The following SLC38A9 variants were observed in gnomAD, a reference collection of about 807,000 sequenced individuals.
SLC38A9 encodes neutral amino acid transporter 9.
SLC38A9 carries 48 observed loss-of-function variants against 62.3 expected under a neutral mutation model. The ratio of observed to expected loss-of-function variants is 0.77; its 90% confidence interval spans 0.61 to 0.98. SLC38A9 has a LOEUF of 0.98. SLC38A9 is among the 50% of genes least tolerant of loss of function. The pLI, the probability that SLC38A9 is intolerant of heterozygous loss-of-function variation, is 0.00. For missense variants in SLC38A9, 541 were observed against 679.8 expected (o/e 0.80, Z 2.27); for synonymous variants, 204 against 227.7 (o/e 0.90, Z 0.94).
chr5:55,708,539 C>T (rs914986635), intron 2 of SLC38A9, among the ~76,000 whole-genome samples: 1 of 152,168 alleles, frequency 6.6e-6, no homozygotes, highest in Admixed American at 6.5e-5. Context: ...AGAATCTATG[C>T]CAAGATGCTA....
chr5:55,627,612 G>C (rs1742673589), intron 15 of SLC38A9, among the ~76,000 whole-genome samples: 1 of 151,996 alleles, frequency 6.6e-6, no homozygotes, highest in Non-Finnish European at 1.5e-5. Flanking sequence ...TTTGGATATA[G>C]AGAGGAAATA....
intron 9 of SLC38A9, among the ~76,000 whole-genome samples, chr5:55,653,335 T>C (rs1747867075): frequency 6.6e-6 from 1 of 152,176 alleles, no homozygotes; most frequent in South Asian, 2.1e-4. Context: ...TTGGTTCCAT[T>C]GCCAGAGAGA....
In SLC38A9 at chr5:55,657,638, C is replaced by T. The variant is rs868121369; in HGVS notation, c.698-864G>A. 3.9e-5 allele frequency among the ~76,000 whole-genome samples: 6 copies of T among 152,076 alleles called. No individual in the cohort carries two copies. The South Asian group carries it at 1.0e-3, about 26-fold the overall frequency. On this transcript the variant is annotated intron_variant, in intron 8 of 15. Coordinates refer to ENST00000396865, the MANE Select transcript of SLC38A9 (RefSeq NM_173514.4). ...AGATGGCTGAGCATTCATCATTCTA[C>T]AGTGAAAGAGAGAACAGGCAGAGAA...
chr5:55,633,900 AT>A lies in SLC38A9; in HGVS notation c.1283del (p.Asn428IlefsTer3). On this transcript the variant is annotated frameshift_variant and splice_region_variant, in exon 14 of 16. Transcript: ENST00000396865. LOFTEE classifies it high-confidence loss of function. ...CACTGCTAGGGAAGTTGTCTAAAAA[AT>A]TCTAATCCAAGAAAGATAATGAGGT... ...PPLSKDCIEQ[N>X]FLDNFPSSDT... 6.3e-7 allele frequency: 1 copy of A among 1,599,568 alleles called. No individual in the cohort carries two copies.
intron 3 of SLC38A9, among the ~76,000 whole-genome samples, chr5:55,689,201 T>C (rs140365109): frequency 6.6e-6 from 1 of 152,318 alleles, no homozygotes; most frequent in African/African-American, 2.4e-5. Flanking sequence ...TTTTTATAAG[T>C]ATAGCACCAA....
chr5:55,669,437 A>T (rs1750940168), intron 6 of SLC38A9, 116 bp from the exon 7 acceptor site: 11 of 1,293,586 alleles, frequency 8.5e-6, no homozygotes, highest in Non-Finnish European at 1.2e-5. Flanking sequence ...GAAAAACTAA[A>T]TATAACCATC....
At chr5:55,662,506 C>T (rs1275642733) in intron 8 of SLC38A9, among the ~76,000 whole-genome samples, 2 of 151,888 alleles carry the variant, frequency 1.3e-5, no homozygotes, top group African/African-American at 2.4e-5. Context: ...TTTGTCTCTA[C>T]TAAAAATACA....
At chr5:55,676,978 CAT>C (rs1752194847) in intron 3 of SLC38A9, among the ~76,000 whole-genome samples, 1 of 152,142 alleles carries the variant, frequency 6.6e-6, no homozygotes, top group Admixed American at 6.5e-5. Flanking sequence ...ATTTCACACA[CAT>C]GGATTCAAAA....
chr5:55,697,995 A>G lies in SLC38A9; in HGVS notation c.-34-3T>C. On this transcript the variant is annotated splice_region_variant and splice_polypyrimidine_tract_variant and intron_variant, in intron 2 of 15. Coordinates refer to ENST00000396865, the MANE Select transcript of SLC38A9 (RefSeq NM_173514.4). ...TCTAAGCACTGAAGAAGTTAGTCCTACACAAAGAAGATAAATAATTTAGTT... is the reference window on the plus strand; with the variant it reads ...TCTAAGCACTGAAGAAGTTAGTCCTGCACAAAGAAGATAAATAATTTAGTT... 1 of 1,010,110 alleles carries G rather than the reference A, an allele frequency of 9.9e-7. No homozygotes were observed. The highest frequency in any genetic ancestry group is 2.4e-5 in the Admixed American group (1 of 42,182). 62.6% of individuals were successfully genotyped at this position (1,010,110 alleles called of 1,614,324 possible).
chr5:55,667,852 C>T (rs7712000), intron 7 of SLC38A9, among the ~76,000 whole-genome samples: 90,824 of 151,806 alleles, frequency 0.6, 27,748 homozygotes, highest in South Asian at 0.7. Flanking sequence ...GCCTCAGCCT[C>T]TCTTCTTTTT....
chr5:55,697,982 A>C lies in SLC38A9; in HGVS notation c.-24T>G. The stretch of plus-strand genomic sequence containing the variant: ...ATTTTTCTCACACTCTAAGCACTGA[A>C]GAAGTTAGTCCTACACAAAGAAGAT... On this transcript the variant is annotated 5_prime_UTR_variant, in exon 3 of 16. Transcript: ENST00000396865. 1 of 1,204,486 alleles carries C rather than the reference A, an allele frequency of 8.3e-7. No homozygotes were observed. 74.6% of individuals were successfully genotyped at this position (1,204,486 alleles called of 1,614,324 possible).
At chr5:55,685,691 T>C (rs1229143968) in intron 3 of SLC38A9, among the ~76,000 whole-genome samples, 1 of 152,130 alleles carries the variant, frequency 6.6e-6, no homozygotes, top group South Asian at 2.1e-4. Flanking sequence ...GGCAAACATG[T>C]GTGATGGGGG....
intron 3 of SLC38A9, among the ~76,000 whole-genome samples, chr5:55,684,694 C>T (rs796695491): frequency 9.8e-5 from 15 of 152,302 alleles, no homozygotes; most frequent in African/African-American, 3.4e-4. Flanking sequence ...CACTCTGTCG[C>T]CCAGGCTGGA....
chr5:55,664,729 A>G lies in SLC38A9; in HGVS notation c.661T>C (p.Ser221Pro). 1 of 1,562,036 alleles carries G rather than the reference A, an allele frequency of 6.4e-7. No homozygotes were observed. The highest frequency in any genetic ancestry group is 8.6e-7 in the Non-Finnish European group (1 of 1,162,352). Residue 221 changes from serine to proline, a missense_variant, in exon 8 of 16, where the codon TCA (serine) becomes CCA (proline). Coordinates refer to ENST00000396865, the MANE Select transcript of SLC38A9 (RefSeq NM_173514.4). ...TTTCCAGTATTAAAAAGAAAATTTG[A>G]CATAAGCACCCAATAAACTATCATT... ...GAMIVYWVLM[S>P]NFLFNTGKFI...
chr5:55,669,406 G>A, intron 6 of SLC38A9, 85 bp from the exon 7 acceptor site: 2 of 1,354,770 alleles, frequency 1.5e-6, no homozygotes, highest in Non-Finnish European at 2.0e-6. Context: ...AAACAATCAT[G>A]ATAAAAACTT....
intron 14 of SLC38A9, 147 bp downstream of exon 14, chr5:55,633,607 A>C: frequency 9.5e-7 from 1 of 1,056,090 alleles, no homozygotes; most frequent in Middle Eastern, 2.6e-4. Flanking sequence ...AAAGCTCTTC[A>C]GGGAAGAGGA....
rs1744256966 is a variant in SLC38A9, at chr5:55,635,621, A to G, written c.1204T>C (p.Leu402=). Residue 402 remains leucine (L), a synonymous_variant, in exon 13 of 16, where the codon TTA becomes CTA. Coordinates refer to ENST00000396865, the MANE Select transcript of SLC38A9 (RefSeq NM_173514.4). The part of the protein sequence containing the change: ...DLCIAYMLVT[L]TYLYIGVLVF... ...AGGACTCCAATATAGAGATAAGTTAATGTCACCAGCATATAAGCAATGCAC... is the reference window on the plus strand; with the variant it reads ...AGGACTCCAATATAGAGATAAGTTAGTGTCACCAGCATATAAGCAATGCAC... 2.5e-6 allele frequency: 4 copies of G among 1,613,798 alleles called. No homozygotes were observed. Among genetic ancestry groups the G allele is most frequent in the Non-Finnish European group, 3.4e-6 (4 of 1,179,864 alleles).
intron 3 of SLC38A9, chr5:55,692,821 C>T: frequency 1.0e-6 from 1 of 984,550 alleles, no homozygotes; most frequent in Non-Finnish European, 1.2e-6. Flanking sequence ...CCTGAGCATT[C>T]AAGTCAGCAT....
intron 12 of SLC38A9, among the ~76,000 whole-genome samples, chr5:55,644,120 C>A (rs550295883): frequency 3.5e-4 from 53 of 152,086 alleles, no homozygotes; most frequent in Non-Finnish European, 7.1e-4. Flanking sequence ...ACCACCATGC[C>A]TGGCTAATTT....
Sources: gnomAD v4.1 joint callset for allele counts (sites outside exome capture counted in the v4.1 genomes callset) on GRCh38, gnomAD v4.1.1 for gene constraint, MANE v1.5 for transcripts, NCBI Gene and HGNC (gene_info 2026-07-23, HGNC 2026-07-21) for gene names.